The following MED12L variants were observed in gnomAD, a reference collection of about 807,000 sequenced individuals.
The protein encoded by MED12L is mediator of RNA polymerase II transcription subunit 12-like protein.
A neutral mutation model predicts 281.3 loss-of-function variants in MED12L; 60 were observed. The observed-to-expected ratio is 0.21, with a 90% CI of 0.17 to 0.26. The LOEUF (loss-of-function observed/expected upper bound fraction) is 0.26, where lower values mean the gene tolerates loss of function less well. MED12L is among the 10% of genes least tolerant of loss of function. The pLI, the probability that MED12L is intolerant of heterozygous loss-of-function variation, is 1.00. For synonymous variants in MED12L, 974 were observed against 987.2 expected, an observed-to-expected ratio of 0.99 and a Z score of 0.25; for missense variants, 2,146 against 2,680.9, an observed-to-expected ratio of 0.80 and a Z score of 4.41.
chr3:151,149,945 T>A (rs1194151259), intron 5 of MED12L, among the ~76,000 whole-genome samples: 1 of 152,342 alleles, frequency 6.6e-6, no homozygotes, highest in South Asian at 2.1e-4. Context: ...GTTCTCTTGC[T>A]GTTTCCACAT....
chr3:151,186,144 T>C (rs1168661257), intron 12 of MED12L, among the ~76,000 whole-genome samples: 2 of 152,172 alleles, frequency 1.3e-5, no homozygotes, highest in African/African-American at 2.4e-5. Context: ...AAGTAAATTA[T>C]AAGGGAAAAA....
At chr3:151,319,462 T>TGTGC (rs1553777810) in intron 16 of MED12L, among the ~76,000 whole-genome samples, 26 of 95,526 alleles carry the variant, frequency 2.7e-4, no homozygotes, top group African/African-American at 1.0e-3. Context: ...TGTGTGTGTG[T>TGTGC]GTGTGCGTGT....
At chr3:151,347,904 A>T (rs1189270130) in intron 16 of MED12L, among the ~76,000 whole-genome samples, 1 of 152,206 alleles carries the variant, frequency 6.6e-6, no homozygotes, top group Non-Finnish European at 1.5e-5. Context: ...ACCAGTATGC[A>T]GTCACAGCTC....
chr3:151,198,469 G>C, intron 16 of MED12L: 1 of 1,610,712 alleles, frequency 6.2e-7, no homozygotes, highest in Non-Finnish European at 8.5e-7. Context: ...TCTGAGCCTT[G>C]GTCTCTTTAG....
At chr3:151,211,855 A>T (rs559504167) in intron 16 of MED12L, among the ~76,000 whole-genome samples, 2 of 152,206 alleles carry the variant, frequency 1.3e-5, no homozygotes, top group Admixed American at 1.3e-4. Context: ...CATGTTGCCC[A>T]GGCTGGTCTT....
At chr3:151,417,487 C>CCCTTTTTT (rs1717736742) in intron 43 of MED12L, among the ~76,000 whole-genome samples, 1 of 78,818 alleles carries the variant, frequency 1.3e-5, no homozygotes, top group Non-Finnish European at 2.3e-5. Context: ...CCCCCCCCGC[C>CCCTTTTTT]TTTTTTTTTT....
intron 38 of MED12L, among the ~76,000 whole-genome samples, chr3:151,392,607 G>A (rs1714415199): frequency 6.6e-6 from 1 of 151,858 alleles, no homozygotes; most frequent in African/African-American, 2.4e-5. Context: ...TGTACAGCAT[G>A]ATTCCATTCA....
At chr3:151,161,296 A>G (rs1450105586) in intron 8 of MED12L, among the ~76,000 whole-genome samples, 1 of 152,148 alleles carries the variant, frequency 6.6e-6, no homozygotes, top group Non-Finnish European at 1.5e-5. Flanking sequence ...TATGTTCAAG[A>G]GTTGTTACAT....
intron 17 of MED12L, among the ~76,000 whole-genome samples, chr3:151,354,018 G>A (rs1293506151): frequency 1.5e-5 from 2 of 136,708 alleles, no homozygotes; most frequent in African/African-American, 5.7e-5. Context: ...GCGGGCGCCT[G>A]TAGTCCCAGC....
chr3:151,426,956 A>G (rs1239104629), intron 43 of MED12L, among the ~76,000 whole-genome samples: 1 of 151,658 alleles, frequency 6.6e-6, no homozygotes, highest in Non-Finnish European at 1.5e-5. Context: ...TAGCTGAACT[A>G]CAGGCATGCA....
chr3:151,199,015 T>G (rs774272776), intron 16 of MED12L: 42 of 1,614,026 alleles, frequency 2.6e-5, no homozygotes, highest in Non-Finnish European at 3.5e-5. Flanking sequence ...GTTCTTGTAT[T>G]CGGTAGATCT....
At chr3:151,250,035 A>C (rs1334331826) in intron 16 of MED12L, among the ~76,000 whole-genome samples, 2 of 152,162 alleles carry the variant, frequency 1.3e-5, no homozygotes, top group Non-Finnish European at 1.5e-5. Flanking sequence ...GCTCTCCCTT[A>C]AATGTGAATC....
chr3:151,204,172 A>G (rs966014164), intron 16 of MED12L, among the ~76,000 whole-genome samples: 1 of 152,192 alleles, frequency 6.6e-6, no homozygotes, highest in African/African-American at 2.4e-5. Context: ...GTTTCTTCTA[A>G]TGCTTCATTG....
intron 16 of MED12L, among the ~76,000 whole-genome samples, chr3:151,281,169 A>G (rs1245565632): frequency 2.0e-5 from 3 of 148,874 alleles, no homozygotes; most frequent in African/African-American, 7.5e-5. Context: ...CAGGCAGGTC[A>G]CAAGGTCAGG....
At chr3:151,399,129 G>A (rs1048633568) in intron 39 of MED12L, among the ~76,000 whole-genome samples, 2 of 152,054 alleles carry the variant, frequency 1.3e-5, no homozygotes, top group African/African-American at 4.8e-5. Context: ...CTATCTTTCT[G>A]TGCCTCAGAG....
intron 16 of MED12L, among the ~76,000 whole-genome samples, chr3:151,283,147 T>G (rs1348680098): frequency 2.0e-5 from 3 of 152,236 alleles, no homozygotes; most frequent in African/African-American, 7.2e-5. Flanking sequence ...GAAGTAACAG[T>G]TTTTAAAAAA....
At chr3:151,249,688 T>C (rs1220867808) in intron 16 of MED12L, among the ~76,000 whole-genome samples, 1 of 152,188 alleles carries the variant, frequency 6.6e-6, no homozygotes, top group Non-Finnish European at 1.5e-5. Flanking sequence ...TCTCCAATCA[T>C]TCTTCGTATT....
intron 16 of MED12L, among the ~76,000 whole-genome samples, chr3:151,235,551 A>G (rs923042793): frequency 1.3e-5 from 2 of 152,088 alleles, no homozygotes; most frequent in Non-Finnish European, 2.9e-5. Context: ...TAAAAATACA[A>G]AAATTAGCTG....
rs777704954 is a variant in MED12L, at chr3:151,198,368, C to G, written c.2250+4702C>G. ...TTTTTTTTTTTTTTATCTTTCAAAG[C>G]TATAATTAACTTTATGGTCCAGTAA... On this transcript the variant is annotated intron_variant, in intron 16 of 44. Coordinates refer to ENST00000687756, the MANE Select transcript of MED12L (RefSeq NM_001393769.1). 265 of 1,059,054 alleles carry G rather than the reference C, an allele frequency of 2.5e-4. 1 individual carries two copies. The highest frequency in any genetic ancestry group is 3.2e-4 in the Non-Finnish European group (246 of 774,016). The allele number at this position is 1,059,054 out of a possible 1,614,324, so 65.6% of individuals were successfully genotyped here. A position where few individuals can be genotyped will look rare whatever the true frequency, so the allele number is the denominator to read the frequency against.
Sources: allele counts gnomAD v4.1 joint callset (sites outside exome capture counted in the v4.1 genomes callset), GRCh38; gene constraint gnomAD v4.1.1; transcripts MANE v1.5; gene names NCBI Gene and HGNC (gene_info 2026-07-23, HGNC 2026-07-21).